Variants in SLC13A3 observed in about 807,000 individuals in gnomAD.
SLC13A3 encodes Na(+)/dicarboxylate cotransporter 3.
Under a neutral mutation model 59.0 loss-of-function variants are expected in SLC13A3, and 40 were observed. The observed-to-expected ratio is 0.68, with a 90% CI of 0.53 to 0.88. The LOEUF (loss-of-function observed/expected upper bound fraction) is 0.88. SLC13A3 is among the 40% of genes least tolerant of loss of function. The pLI is 0.00. For synonymous variants in SLC13A3, 317 were observed against 330.3 expected, an observed-to-expected ratio of 0.96 and a Z score of 0.44; for missense variants, 699 against 783.2, an observed-to-expected ratio of 0.89 and a Z score of 1.28.
At chr20:46,667,011 C>A (rs188084491) in intron 1 of SLC13A3, among the ~76,000 whole-genome samples, 187 of 152,092 alleles carry the variant, frequency 1.2e-3, no homozygotes, top group African/African-American at 4.3e-3. Flanking sequence ...GAGAAAGACC[C>A]AGGAAGGGGT....
Position 46,680,871 on chromosome 20 carries a change from C to A in SLC13A3, c.-31+3525G>T, listed in dbSNP as rs567089602. Among the ~76,000 whole-genome samples the A allele has an allele frequency of 5.9e-5, 9 of 152,320 alleles. No homozygotes were observed. In the South Asian group the frequency reaches 1.9e-3, roughly 32 times the overall value. The stretch of plus-strand genomic sequence containing the variant: ...GCTTCCTGGGGATCCTGACCAGTGA[C>A]AATACTCACAGCAACTCCACCATGC... On this transcript the variant is annotated intron_variant, in intron 1 of 6. Transcript: ENST00000372121.
At chr20:46,592,652 T>G (rs1315207953) in intron 5 of SLC13A3, 123 bp from the exon 6 acceptor site, 10 of 959,240 alleles carry the variant, frequency 1.0e-5, no homozygotes, top group African/African-American at 4.9e-5. Flanking sequence ...CATGGAAGTC[T>G]TGGGAACAGT....
chr20:46,616,651 G>A (rs1037940646), intron 1 of SLC13A3, among the ~76,000 whole-genome samples: 8 of 152,178 alleles, frequency 5.3e-5, no homozygotes, highest in Non-Finnish European at 8.8e-5. Context: ...GGGCAGGCCC[G>A]TCCCAGGTAT....
At chr20:46,574,330 C>T (rs1469064661) in intron 10 of SLC13A3, among the ~76,000 whole-genome samples, 1 of 152,172 alleles carries the variant, frequency 6.6e-6, no homozygotes, top group African/African-American at 2.4e-5. Context: ...TTTCATGTCT[C>T]AGTTTTCCTA....
intron 3 of SLC13A3, among the ~76,000 whole-genome samples, chr20:46,608,133 C>T (rs1179402482): frequency 1.3e-5 from 2 of 152,164 alleles, no homozygotes; most frequent in African/African-American, 4.8e-5. Flanking sequence ...TATTGTACAG[C>T]AGGGGTCAGT....
In SLC13A3 at chr20:46,618,510, G is replaced by T. The variant is rs557556350; in HGVS notation, c.112-4785C>A. 2.6e-5 allele frequency among the ~76,000 whole-genome samples: 4 copies of T among 152,286 alleles called. No individual in the cohort carries two copies. In the South Asian group the frequency reaches 6.2e-4, roughly 24 times the overall value. On this transcript the variant is annotated intron_variant, in intron 1 of 12. Transcript: ENST00000279027. Reference sequence around the variant, plus strand: ...CCATTGTAGTGGTAATAAGAGGCAGGGACTTTGGGAGGTGATTAGGTCGTG... The same window carrying T: ...CCATTGTAGTGGTAATAAGAGGCAGTGACTTTGGGAGGTGATTAGGTCGTG...
chr20:46,624,030 G>A (rs920517987), intron 1 of SLC13A3, among the ~76,000 whole-genome samples: 14 of 152,160 alleles, frequency 9.2e-5, no homozygotes, highest in South Asian at 2.1e-4. Context: ...AATCTCTCTC[G>A]TTCCTAGGCC....
In SLC13A3 at chr20:46,573,516, C is replaced by T. The variant is rs556089992; in HGVS notation, c.1332+2057G>A. On this transcript the variant is annotated intron_variant, in intron 10 of 12. Coordinates refer to ENST00000279027, the MANE Select transcript of SLC13A3 (RefSeq NM_022829.6). ...CCCAAGGGCACAACCTAATGAAGCCCGTGCTTCCGAATCTCCATCCCAGAG... is the reference window on the plus strand; with the variant it reads ...CCCAAGGGCACAACCTAATGAAGCCTGTGCTTCCGAATCTCCATCCCAGAG... Among the ~76,000 whole-genome samples, 5 of 152,360 alleles carry T rather than the reference C, an allele frequency of 3.3e-5. No homozygotes were observed. In the East Asian group the frequency reaches 5.8e-4, roughly 18 times the overall value.
chr20:46,632,796 T>TCTCTCTCTCTCTCTTTCTTCCTCTCA (rs2062753285), intron 1 of SLC13A3, among the ~76,000 whole-genome samples: 1 of 150,908 alleles, frequency 6.6e-6, no homozygotes, highest in African/African-American at 2.4e-5. Flanking sequence ...GTAATCTCTA[T>TCTCTCTCTCTCTCTTTCTTCCTCTCA]CTCTCTCTCT....
In SLC13A3 at chr20:46,631,906, G is replaced by A. The variant is rs549689340; in HGVS notation, c.112-18181C>T. On this transcript the variant is annotated intron_variant, in intron 1 of 12. Transcript: ENST00000279027. The stretch of plus-strand genomic sequence containing the variant: ...CCCCCCAACTTGCCCTCTTTGTGTA[G>A]GAAAGGAAAGAAAGAGAAGTGGTCT... Among the ~76,000 whole-genome samples, 8 of 152,278 alleles carry A rather than the reference G, an allele frequency of 5.3e-5. No individual in the cohort carries two copies. The South Asian group carries it at 1.7e-3, about 32-fold the overall frequency.
At chr20:46,672,560 C>G (rs562578466), upstream of SLC13A3, among the ~76,000 whole-genome samples, 1 of 152,278 alleles carries the variant, frequency 6.6e-6, no homozygotes, top group East Asian at 1.9e-4. Flanking sequence ...TAAAACATAG[C>G]CACAAATCCT....
At position 46,587,257 on chromosome 20, in the gene SLC13A3, T is replaced by C. The variant is rs569441192; in HGVS notation, c.1121+802A>G. On this transcript the variant is annotated intron_variant, in intron 8 of 12. Coordinates refer to ENST00000279027, the MANE Select transcript of SLC13A3 (RefSeq NM_022829.6). The stretch of plus-strand genomic sequence containing the variant: ...TTAACTCATTTACCTTTACAACAAG[T>C]CAATGAAAAACGTACTAGTATAATA... 3.2e-3 allele frequency among the ~76,000 whole-genome samples: 491 copies of C among 152,250 alleles called. 2 individuals are homozygous for C. The highest frequency in any genetic ancestry group is 0.011 in the African/African-American group (473 of 41,532).
rs775487687 is a variant in SLC13A3, at chr20:46,613,786, C to A, written c.112-61G>T. On this transcript the variant is annotated intron_variant, in intron 1 of 12. Coordinates refer to ENST00000279027, the MANE Select transcript of SLC13A3 (RefSeq NM_022829.6). ...GGCTCGGGGCAGAAGGGGAAGGAGG[C>A]CCAGGGCTCAGGGCAGAGGGGGAAG... 16 of 1,479,790 alleles carry A rather than the reference C, an allele frequency of 1.1e-5. No individual in the cohort carries two copies. The East Asian group carries it at 2.4e-4, about 22-fold the overall frequency. The allele number at this position is 1,479,790 out of a possible 1,614,324, so 91.7% of individuals were successfully genotyped here.
chr20:46,600,423 AAAGGAAGGAAGGAAGG>A (rs146953211), intron 3 of SLC13A3, among the ~76,000 whole-genome samples: 1 of 129,968 alleles, frequency 7.7e-6, no homozygotes, highest in African/African-American at 2.6e-5. Context: ...GGAAGGAAGG[AAAGGAAGGAAGGAAGG>A]AAGGAAAAGG....
upstream of SLC13A3, among the ~76,000 whole-genome samples, chr20:46,670,342 G>A (rs898481536): frequency 5.3e-5 from 8 of 152,052 alleles, no homozygotes; most frequent in Non-Finnish European, 1.0e-4. Flanking sequence ...AGCAGCCATC[G>A]TTGATCAGGA....
At chr20:46,673,695 T>C (rs1297938924), upstream of SLC13A3, 1 of 152,212 alleles carries the variant, frequency 6.6e-6, no homozygotes, top group South Asian at 2.1e-4. Context: ...AATAGCATGA[T>C]TCGTCGTCTG....
At chr20:46,569,744 A>G (rs1341410272) in intron 10 of SLC13A3, among the ~76,000 whole-genome samples, 8 of 152,190 alleles carry the variant, frequency 5.3e-5, no homozygotes, top group Non-Finnish European at 1.2e-4. Context: ...GAAGATGACC[A>G]GAAGTACCCA....
chr20:46,570,194 TA>T (rs2062017832), intron 10 of SLC13A3, among the ~76,000 whole-genome samples: 1 of 152,250 alleles, frequency 6.6e-6, no homozygotes, highest in African/African-American at 2.4e-5. Context: ...AAGGATTAAA[TA>T]AGTGCACACG....
chr20:46,655,784 C>G (rs1317192723), upstream of SLC13A3, among the ~76,000 whole-genome samples: 1 of 140,406 alleles, frequency 7.1e-6, no homozygotes, highest in Non-Finnish European at 1.5e-5. Flanking sequence ...TATATATATG[C>G]CTTCAGTATA....
Sources: gnomAD v4.1 joint callset for allele counts (sites outside exome capture counted in the v4.1 genomes callset) on GRCh38, gnomAD v4.1.1 for gene constraint, MANE v1.5 for transcripts, NCBI Gene and HGNC (gene_info 2026-07-23, HGNC 2026-07-21) for gene names.